RMST: variants seen among roughly 807,000 people sequenced by gnomAD.
The protein encoded by RMST is rhabdomyosarcoma 2 associated transcript, also known as long intergenic non-protein coding RNA 54.
At chr12:97,502,650 A>G (rs1878209610) in intron 10 of RMST, among the ~76,000 whole-genome samples, 1 of 151,910 alleles carries the variant, frequency 6.6e-6, no homozygotes, top group South Asian at 2.1e-4. Flanking sequence ...TTTTTAATAG[A>G]GATGAGGTCT....
Position 97,481,969 on chromosome 12 carries a change from A to T in RMST, n.645-10492A>T, listed in dbSNP as rs528181811. On this transcript the variant is annotated intron_variant and non_coding_transcript_variant, in intron 5 of 13. Transcript: ENST00000640149. ...AGTGGCAAAGTTCAGATTTACAAACATTGTTTGTAAAGCCATTCTATTTTT... is the reference window on the plus strand; with the variant it reads ...AGTGGCAAAGTTCAGATTTACAAACTTTGTTTGTAAAGCCATTCTATTTTT... Among the ~76,000 whole-genome samples the T allele has an allele frequency of 9.8e-5, 15 of 152,316 alleles. No homozygotes were observed. In the South Asian group the frequency reaches 3.1e-3, roughly 32 times the overall value.
intron 9 of RMST, among the ~76,000 whole-genome samples, chr12:97,495,225 A>T (rs182884134): frequency 6.6e-6 from 1 of 152,160 alleles, no homozygotes; most frequent in Admixed American, 6.6e-5. Context: ...CCCTGGACAA[A>T]ATTTGACTTT....
At chr12:97,466,574 C>T (rs1273448528) in intron 5 of RMST, among the ~76,000 whole-genome samples, 1 of 152,056 alleles carries the variant, frequency 6.6e-6, no homozygotes, top group African/African-American at 2.4e-5. Flanking sequence ...GTGGATAGTG[C>T]TCAATTTCCT....
intron 11 of RMST, among the ~76,000 whole-genome samples, chr12:97,549,975 C>T (rs946543902): frequency 2.6e-5 from 4 of 151,944 alleles, no homozygotes; most frequent in Admixed American, 2.0e-4. Context: ...TTTTATTTCC[C>T]GTTTTATATG....
chr12:97,509,010 G>C (rs11109073), intron 10 of RMST, among the ~76,000 whole-genome samples: 25,714 of 152,132 alleles, frequency 0.17, 4,093 homozygotes, highest in African/African-American at 0.41. Context: ...AGCATAAATG[G>C]AGGAAACCTA....
intron 4 of RMST, chr12:97,465,155 G>C (rs540098795): frequency 6.6e-6 from 1 of 152,194 alleles, no homozygotes; most frequent in African/African-American, 2.4e-5. Context: ...GGATTCTGCT[G>C]GGGGAGTAAG....
chr12:97,470,337 A>T (rs1057212974), intron 5 of RMST, among the ~76,000 whole-genome samples: 6 of 152,032 alleles, frequency 3.9e-5, no homozygotes, highest in Admixed American at 3.3e-4. Context: ...TATTAAAAAG[A>T]TAGGACCCGA....
rs5800316 is a variant in RMST, at chr12:97,536,307, GAA to G, written n.1545+5456_1545+5457del. ...TGAGGAAAAAACATGCAAAATAATTGAAAAAAAAACTTTTTTTCTCCTTTTCT... is the reference window on the plus strand; with the variant it reads ...TGAGGAAAAAACATGCAAAATAATTGAAAAAAACTTTTTTTCTCCTTTTCT... On this transcript the variant is annotated intron_variant and non_coding_transcript_variant, in intron 11 of 13. Transcript: ENST00000640149. 9.9e-3 allele frequency among the ~76,000 whole-genome samples: 1,483 copies of G among 149,968 alleles called. 26 individuals carry two copies. The highest frequency in any genetic ancestry group is 0.034 in the African/African-American group (1,393 of 41,140).
chr12:97,505,390 A>C (rs538783259), intron 10 of RMST, among the ~76,000 whole-genome samples: 3 of 152,344 alleles, frequency 2.0e-5, no homozygotes, highest in African/African-American at 7.2e-5. Flanking sequence ...GCATAGGGCT[A>C]TGTTTAGATC....
chr12:97,509,808 T>C (rs1245450253), intron 10 of RMST, among the ~76,000 whole-genome samples: 2 of 152,192 alleles, frequency 1.3e-5, no homozygotes, highest in Non-Finnish European at 2.9e-5. Flanking sequence ...TCAACAAATA[T>C]ATATTGAATG....
At chr12:97,521,743 C>G (rs1423362229) in intron 10 of RMST, among the ~76,000 whole-genome samples, 2 of 152,244 alleles carry the variant, frequency 1.3e-5, no homozygotes, top group East Asian at 3.9e-4. Context: ...CTTCTTTAGG[C>G]AGAGCCTCTC....
chr12:97,462,937 T>G (rs1274921267), intron 3 of RMST: 1 of 152,058 alleles, frequency 6.6e-6, no homozygotes, highest in African/African-American at 2.4e-5. Context: ...TCTACTCTCT[T>G]GAAGAAGGAC....
At chr12:97,474,718 A>T (rs1409125548) in intron 5 of RMST, among the ~76,000 whole-genome samples, 1 of 149,462 alleles carries the variant, frequency 6.7e-6, no homozygotes, top group Non-Finnish European at 1.5e-5. Context: ...AGAAGAGTTG[A>T]AAGAAAATAT....
At chr12:97,526,704 T>C (rs11109095) in intron 10 of RMST, among the ~76,000 whole-genome samples, 1 of 152,066 alleles carries the variant, frequency 6.6e-6, no homozygotes, top group Non-Finnish European at 1.5e-5. Flanking sequence ...GGAAGCTATT[T>C]ATTACTATTA....
intron 10 of RMST, among the ~76,000 whole-genome samples, chr12:97,501,410 T>C (rs1420719766): frequency 1.3e-5 from 2 of 152,204 alleles, no homozygotes; most frequent in East Asian, 3.9e-4. Context: ...AACTGAGAAA[T>C]GTAGACCATT....
intron 10 of RMST, among the ~76,000 whole-genome samples, chr12:97,496,273 C>A (rs1317730670): frequency 6.6e-6 from 1 of 151,818 alleles, no homozygotes; most frequent in African/African-American, 2.4e-5. Flanking sequence ...ATGGGTGTAC[C>A]CTTCTCTCCA....
At chr12:97,491,500 T>C (rs1876809820) in intron 5 of RMST, 1 of 166,692 alleles carries the variant, frequency 6.0e-6, no homozygotes, top group Non-Finnish European at 1.3e-5. Context: ...CCCGTTTGTG[T>C]GTGTGTGTGA....
chr12:97,518,845 C>T (rs1358894902), intron 10 of RMST, among the ~76,000 whole-genome samples: 1 of 152,040 alleles, frequency 6.6e-6, no homozygotes, highest in Non-Finnish European at 1.5e-5. Flanking sequence ...AATCATGGCT[C>T]ACTGCATTCT....
intron 5 of RMST, among the ~76,000 whole-genome samples, chr12:97,484,479 C>T (rs1024889546): frequency 1.3e-5 from 2 of 152,120 alleles, no homozygotes; most frequent in Admixed American, 6.6e-5. Flanking sequence ...TCCTATGTGC[C>T]GAAACCCTTT....
Sources: allele counts gnomAD v4.1 joint callset (sites outside exome capture counted in the v4.1 genomes callset), GRCh38; gene constraint gnomAD v4.1.1; transcripts MANE v1.5; gene names NCBI Gene and HGNC (gene_info 2026-07-23, HGNC 2026-07-21).